The following NSMCE4A variants were observed in gnomAD, a reference collection of about 807,000 sequenced individuals.
NSMCE4A encodes non-structural maintenance of chromosomes element 4 homolog A.
A neutral mutation model predicts 47.9 loss-of-function variants in NSMCE4A; 40 were observed. That is an observed-to-expected ratio of 0.83 (90% CI 0.65 to 1.09). The LOEUF (loss-of-function observed/expected upper bound fraction) is 1.09, where lower values mean the gene tolerates loss of function less well. Ranked by LOEUF, NSMCE4A falls within the 50% of genes least tolerant of loss-of-function variation. The probability of loss-of-function intolerance (pLI) is 0.00; values close to 1 mark genes in which losing one functional copy is unlikely to be tolerated. For missense variants in NSMCE4A, 500 were observed against 507.0 expected (o/e 0.99, Z 0.13); for synonymous variants, 166 against 178.5 (o/e 0.93, Z 0.56).
At chr10:121,963,837 G>A (rs547904041) in intron 5 of NSMCE4A, among the ~76,000 whole-genome samples, 25 of 151,870 alleles carry the variant, frequency 1.6e-4, no homozygotes, top group Non-Finnish European at 2.9e-5. Context: ...CCGACATCGC[G>A]CCTGTAATCC....
chr10:121,963,481 A>C (rs1237079352), intron 5 of NSMCE4A, among the ~76,000 whole-genome samples, 153 bp from the exon 6 acceptor site: 1 of 151,414 alleles, frequency 6.6e-6, no homozygotes, highest in Non-Finnish European at 1.5e-5. Context: ...CCCAGGCTAG[A>C]GTGCAGTTGC....
intron 3 of NSMCE4A, among the ~76,000 whole-genome samples, chr10:121,969,501 TAAAAAA>T (rs35005382): frequency 7.2e-6 from 1 of 138,208 alleles, no homozygotes; most frequent in Admixed American, 7.2e-5. Context: ...AAAAAAAAGT[TAAAAAA>T]AAAAAAAAAA....
At chr10:121,969,173 C>T (rs758152181) in intron 3 of NSMCE4A, among the ~76,000 whole-genome samples, 17 of 152,058 alleles carry the variant, frequency 1.1e-4, no homozygotes, top group Non-Finnish European at 2.4e-4. Flanking sequence ...CGAAACCCCA[C>T]CTCTACTAAA....
Position 121,970,951 on chromosome 10 carries a change from A to G in NSMCE4A, c.489T>C (p.Tyr163=), listed in dbSNP as rs1952696820. The part of the protein sequence containing the change: ...SDLSSFDMLR[Y]VETLLTHMGV... Reference sequence around the variant, plus strand: ...GCTTTGAACTTACTAGAGTTTCAACATATCTTAACATGTCAAAGGAGCTCA... The same window carrying G: ...GCTTTGAACTTACTAGAGTTTCAACGTATCTTAACATGTCAAAGGAGCTCA... Residue 163 remains tyrosine, a synonymous_variant, in exon 3 of 11, where the codon TAT becomes TAC. Transcript: ENST00000369023. 1 of 1,610,252 alleles carries G rather than the reference A, an allele frequency of 6.2e-7. No individual in the cohort carries two copies. The highest frequency in any genetic ancestry group is 2.2e-5 in the East Asian group (1 of 44,850).
chr10:121,963,150 C>T (rs1952532123), intron 6 of NSMCE4A, 88 bp downstream of exon 6: 6 of 641,842 alleles, frequency 9.3e-6, no homozygotes, highest in Non-Finnish European at 1.6e-5. Flanking sequence ...TCAAATATTA[C>T]ATACAGCTGA....
chr10:121,963,167 CT>C (rs1952532634), intron 6 of NSMCE4A, 70 bp downstream of exon 6: 1 of 832,002 alleles, frequency 1.2e-6, no homozygotes, highest in East Asian at 2.6e-5. Flanking sequence ...CTGAAATTGC[CT>C]TTTAAATACA....
chr10:121,968,915 A>G (rs1458115403), intron 3 of NSMCE4A, among the ~76,000 whole-genome samples: 3 of 152,272 alleles, frequency 2.0e-5, no homozygotes, highest in East Asian at 3.9e-4. Flanking sequence ...AAATCCACCA[A>G]TCTTTCCTTA....
rs750141125 is a variant in NSMCE4A at position 121,965,270 on chromosome 10, A to G, written c.753+16T>C. On this transcript the variant is annotated intron_variant, in intron 5 of 10. Coordinates refer to ENST00000369023, the MANE Select transcript of NSMCE4A (RefSeq NM_017615.3). ...ACTTTAATGTGTTTTTTTAAAAGCA[A>G]CATTTTAAAACAAACCTGGGCAGGC... 1.3e-6 allele frequency: 2 copies of G among 1,556,368 alleles called. No individual in the cohort carries two copies. Among genetic ancestry groups the G allele is most frequent in the Non-Finnish European group, 8.8e-7 (1 of 1,141,246 alleles).
In NSMCE4A at chr10:121,961,533, G is replaced by T. The variant is rs545081959; in HGVS notation, c.845-16C>A. ...GGGGTATCAGCTATAGACAAAAAGA[G>T]AAAAAAAAATTGATTTTTGCTTGTC... On this transcript the variant is annotated splice_polypyrimidine_tract_variant and intron_variant, in intron 6 of 10. Transcript: ENST00000369023. The T allele has an allele frequency of 2.7e-6, 4 of 1,483,724 alleles. No homozygotes were observed. In the African/African-American group the frequency reaches 4.4e-5, roughly 16 times the overall value. 91.9% of individuals were successfully genotyped at this position (1,483,724 alleles called of 1,614,324 possible). A position where few individuals can be genotyped will look rare whatever the true frequency, so the allele number is the denominator to read the frequency against.
intron 3 of NSMCE4A, among the ~76,000 whole-genome samples, chr10:121,969,289 C>T (rs1470706694): frequency 2.0e-5 from 3 of 152,018 alleles, no homozygotes; most frequent in South Asian, 2.1e-4. Flanking sequence ...GAGCTGAGAT[C>T]GTGCCACTGC....
At chr10:121,971,633 A>G (rs924940140) in intron 2 of NSMCE4A, among the ~76,000 whole-genome samples, 9 of 152,206 alleles carry the variant, frequency 5.9e-5, no homozygotes, top group African/African-American at 2.2e-4. Flanking sequence ...GCTGAATCAC[A>G]ATCTCTTAAA....
intron 2 of NSMCE4A, among the ~76,000 whole-genome samples, chr10:121,971,719 C>T (rs566654099): frequency 1.1e-4 from 16 of 152,316 alleles, no homozygotes; most frequent in South Asian, 2.1e-4. Context: ...ATCATGTGTG[C>T]TGACGTAAGG....
rs1206475542 is a variant in NSMCE4A at position 121,960,150 on chromosome 10, C to T, written c.988+208G>A. 4 of 395,218 alleles carry T rather than the reference C, an allele frequency of 1.0e-5. No individual in the cohort carries two copies. Among genetic ancestry groups the T allele is most frequent in the Non-Finnish European group, 1.8e-5 (4 of 222,742 alleles). The allele number at this position is 395,218 out of a possible 1,614,324, so 24.5% of individuals were successfully genotyped here. Reference sequence around the variant, plus strand: ...TATATCATTTCTTTGTTAATATTTACAGCAGATGTTGAATCAATGATATAG... The same window carrying T: ...TATATCATTTCTTTGTTAATATTTATAGCAGATGTTGAATCAATGATATAG... On this transcript the variant is annotated intron_variant, in intron 8 of 10. Coordinates refer to ENST00000369023, the MANE Select transcript of NSMCE4A (RefSeq NM_017615.3). The surrounding 1 kb of genome is among the most constrained non-coding windows in gnomAD (Gnocchi z 4.2).
rs926743832 is a variant in NSMCE4A, at chr10:121,964,189, C to G, written c.754-861G>C. The stretch of plus-strand genomic sequence containing the variant: ...ATGGAGTCTTGCTCTGTGGCCCAGG[C>G]TGGAGTGCAGTGGTGCCATCTCGGC... On this transcript the variant is annotated intron_variant, in intron 5 of 10. Coordinates refer to ENST00000369023, the MANE Select transcript of NSMCE4A (RefSeq NM_017615.3). 1.1e-4 allele frequency among the ~76,000 whole-genome samples: 15 copies of G among 141,920 alleles called. No homozygotes were observed. The South Asian group carries it at 2.8e-3, about 27-fold the overall frequency. 93.1% of individuals were successfully genotyped at this position (141,920 alleles called of 152,430 possible).
chr10:121,971,505 TCAAAA>T lies in NSMCE4A; in HGVS notation c.371-441_371-437del, dbSNP rs1377854424. On this transcript the variant is annotated intron_variant, in intron 2 of 10. Coordinates refer to ENST00000369023, the MANE Select transcript of NSMCE4A (RefSeq NM_017615.3). ...CTGGGTGTCAGAGCAAGAGGCTGTC[TCAAAA>T]CAAAAACAAAAACAAAAAAAAACTT... Among the ~76,000 whole-genome samples the T allele has an allele frequency of 1.8e-4, 25 of 139,468 alleles. No homozygotes were observed. The East Asian group carries it at 4.3e-3, about 24-fold the overall frequency. The allele number at this position is 139,468 out of a possible 152,430, so 91.5% of individuals were successfully genotyped here. A position where few individuals can be genotyped will look rare whatever the true frequency, so the allele number is the denominator to read the frequency against.
In NSMCE4A at chr10:121,965,378, A is replaced by T; in HGVS notation, c.661T>A (p.Ser221Thr). 1 of 1,607,152 alleles carries T rather than the reference A, an allele frequency of 6.2e-7. No homozygotes were observed. Among genetic ancestry groups the T allele is most frequent in the East Asian group, 2.2e-5 (1 of 44,852 alleles). Reference sequence around the variant, plus strand: ...GGCACAGGGCACTCTCCGTATATTGAACCCAACCTAATGAAAAGTATGCTT... The same window carrying T: ...GGCACAGGGCACTCTCCGTATATTGTACCCAACCTAATGAAAAGTATGCTT... ...KTHTFHFLLGSIYGECPVPKP... is the reference protein window; with the variant it reads ...KTHTFHFLLGTIYGECPVPKP... The change falls in exon 5 of 11, where the codon TCA becomes ACA. Residue 221 changes from serine (S) to threonine (T), a missense_variant. Physicochemically the swap from Ser to Thr is moderately conservative, Grantham distance 58. Transcript: ENST00000369023.
intron 1 of NSMCE4A, chr10:121,974,509 C>T (rs1374310327): frequency 9.9e-7 from 1 of 1,005,810 alleles, no homozygotes; most frequent in Non-Finnish European, 1.2e-6. Flanking sequence ...GCAGCTGCAG[C>T]TGCCGCTGCG....
intron 5 of NSMCE4A, among the ~76,000 whole-genome samples, chr10:121,964,933 CA>C (rs1952577789): frequency 6.6e-6 from 1 of 152,078 alleles, no homozygotes; most frequent in South Asian, 2.1e-4. Flanking sequence ...TGTCACAACT[CA>C]GGGGTCGGGG....
intron 10 of NSMCE4A, among the ~76,000 whole-genome samples, chr10:121,957,929 T>TA (rs201296967): frequency 1.0e-4 from 15 of 150,718 alleles, no homozygotes; most frequent in South Asian, 8.5e-4. Context: ...ATTTATAGAT[T>TA]AAAAAAAAAT....
Sources: gnomAD v4.1 joint callset for allele counts (sites outside exome capture counted in the v4.1 genomes callset) on GRCh38, gnomAD v4.1.1 for gene constraint, Gnocchi (gnomAD v3.1) non-coding constraint, MANE v1.5 for transcripts, NCBI Gene and HGNC (gene_info 2026-07-23, HGNC 2026-07-21) for gene names.